Variants in AMOTL1 observed in about 807,000 individuals in gnomAD.
AMOTL1 encodes angiomotin like 1, also known as angiomotin-like protein 1.
A neutral mutation model predicts 102.9 loss-of-function variants in AMOTL1; 45 were observed. That is an observed-to-expected ratio of 0.44 (90% CI 0.34 to 0.56). The LOEUF (loss-of-function observed/expected upper bound fraction) is 0.56, where lower values mean the gene tolerates loss of function less well. AMOTL1 is among the 20% of genes least tolerant of loss of function. The pLI is 0.01. For synonymous variants in AMOTL1, 481 were observed against 484.7 expected (o/e 0.99, Z 0.10); for missense variants, 1,114 against 1,225.6 (o/e 0.91, Z 1.36).
rs777605680 is a variant in AMOTL1, at chr11:94,871,167, C to T, written c.*372C>T. On this transcript the variant is annotated 3_prime_UTR_variant, in exon 13 of 13. Transcript: ENST00000433060. Reference sequence around the variant, plus strand: ...AAATGTGGATCATCCTTGGAATACCCCCATTCTCCTTGCCTCTTAGCATGT... The same window carrying T: ...AAATGTGGATCATCCTTGGAATACCTCCATTCTCCTTGCCTCTTAGCATGT... 1.9e-5 allele frequency: 3 copies of T among 161,022 alleles called. No homozygotes were observed. The highest frequency in any genetic ancestry group is 4.1e-5 in the Non-Finnish European group (3 of 73,716). 10.0% of individuals were successfully genotyped at this position (161,022 alleles called of 1,614,324 possible). A position where few individuals can be genotyped will look rare whatever the true frequency, so the allele number is the denominator to read the frequency against.
chr11:94,796,993 T>C (rs1260545281), intron 2 of AMOTL1: 27 of 985,306 alleles, frequency 2.7e-5, no homozygotes, highest in Non-Finnish European at 2.4e-5. Context: ...TGGCAGTTGA[T>C]TAAATGTGGA....
intron 1 of AMOTL1, among the ~76,000 whole-genome samples, chr11:94,789,477 CAT>C (rs1013081005): frequency 3.3e-5 from 5 of 152,186 alleles, no homozygotes; most frequent in African/African-American, 7.2e-5. Flanking sequence ...TTTTTAAAAA[CAT>C]GTGTTGCATG....
intron 1 of AMOTL1, among the ~76,000 whole-genome samples, chr11:94,787,466 G>A (rs1951209141): frequency 6.6e-6 from 1 of 151,884 alleles, no homozygotes; most frequent in South Asian, 2.1e-4. Context: ...GAGACGGGCG[G>A]ATCACGAGGT....
At chr11:94,786,305 C>G (rs1256622720) in intron 1 of AMOTL1, among the ~76,000 whole-genome samples, 2 of 152,208 alleles carry the variant, frequency 1.3e-5, no homozygotes, top group Admixed American at 6.5e-5. Flanking sequence ...ATTATGGATA[C>G]TGCCACTGCA....
chr11:94,840,082 C>T (rs1952265429), intron 6 of AMOTL1, among the ~76,000 whole-genome samples: 1 of 151,904 alleles, frequency 6.6e-6, no homozygotes, highest in East Asian at 1.9e-4. Flanking sequence ...CAGAATAGAG[C>T]TTAGAGTTAA....
chr11:94,730,979 G>T (rs1476802386), intron 2 of AMOTL1, among the ~76,000 whole-genome samples: 1 of 152,126 alleles, frequency 6.6e-6, no homozygotes, highest in African/African-American at 2.4e-5. Flanking sequence ...AAGCCTTAGG[G>T]ATCACTGTAA....
intron 3 of AMOTL1, among the ~76,000 whole-genome samples, chr11:94,806,910 T>C (rs1224891214): frequency 1.3e-5 from 2 of 152,110 alleles, no homozygotes; most frequent in African/African-American, 4.8e-5. Context: ...TTACATGAGT[T>C]TGGAAAAAAA....
chr11:94,803,036 G>A (rs774020067), intron 3 of AMOTL1, among the ~76,000 whole-genome samples: 2 of 152,188 alleles, frequency 1.3e-5, no homozygotes, highest in Non-Finnish European at 2.9e-5. Flanking sequence ...AGAAAGAGAC[G>A]CCTCTGATGG....
intron 1 of AMOTL1, among the ~76,000 whole-genome samples, chr11:94,786,121 G>C (rs779913613): frequency 1.2e-4 from 18 of 152,112 alleles, no homozygotes; most frequent in Non-Finnish European, 2.2e-4. Context: ...AAAGAATCTC[G>C]AGTTCAGGTA....
chr11:94,827,806 C>T (rs1371771646), intron 4 of AMOTL1, among the ~76,000 whole-genome samples: 2 of 152,222 alleles, frequency 1.3e-5, no homozygotes, highest in Admixed American at 6.5e-5. Flanking sequence ...ATCCTGGCTC[C>T]TCTGTAACCT....
intron 3 of AMOTL1, 128 bp from the exon 4 acceptor site, chr11:94,821,402 C>G: frequency 1.0e-6 from 1 of 979,492 alleles, no homozygotes; most frequent in South Asian, 1.7e-5. Flanking sequence ...CAGTGAATAC[C>G]TCCCACTGGG....
intron 3 of AMOTL1, among the ~76,000 whole-genome samples, chr11:94,753,909 A>G (rs1950689045): frequency 6.6e-6 from 1 of 152,210 alleles, no homozygotes; most frequent in Admixed American, 6.5e-5. Context: ...CCCTCAAAGA[A>G]CTGGTAACTT....
intron 3 of AMOTL1, among the ~76,000 whole-genome samples, chr11:94,756,306 C>T (rs1950724921): frequency 6.6e-6 from 1 of 152,212 alleles, no homozygotes; most frequent in South Asian, 2.1e-4. Context: ...TTTGTGGGCA[C>T]AGGCCCGAGG....
chr11:94,708,451 G>T (rs1040708676), intron 1 of AMOTL1, among the ~76,000 whole-genome samples: 3 of 152,054 alleles, frequency 2.0e-5, no homozygotes, highest in Non-Finnish European at 4.4e-5. Context: ...TCCACCTCCC[G>T]GTATGGCTTG....
chr11:94,796,326 G>A (rs76415480), intron 2 of AMOTL1, among the ~76,000 whole-genome samples: 2,007 of 152,256 alleles, frequency 0.013, 46 homozygotes, highest in African/African-American at 0.046. Context: ...TTGAGCTTCA[G>A]GAACCAGTGT....
upstream of AMOTL1, among the ~76,000 whole-genome samples, chr11:94,765,088 G>A (rs1032625871): frequency 3.3e-5 from 5 of 152,240 alleles, no homozygotes; most frequent in African/African-American, 1.2e-4. Flanking sequence ...CCTGGTACTC[G>A]TCCTGTTTTG....
chr11:94,732,831 C>A (rs1950375772), intron 2 of AMOTL1, among the ~76,000 whole-genome samples: 1 of 152,186 alleles, frequency 6.6e-6, no homozygotes, highest in African/African-American at 2.4e-5. Context: ...GGAAACACGG[C>A]CTGGCAGCGT....
At chr11:94,833,226 G>A (rs1952109477) in intron 6 of AMOTL1, among the ~76,000 whole-genome samples, 1 of 152,212 alleles carries the variant, frequency 6.6e-6, no homozygotes, top group African/African-American at 2.4e-5. Context: ...AGCATTTGAA[G>A]CAGGTTTGGT....
chr11:94,836,760 CTTTT>C (rs200404531), intron 6 of AMOTL1, among the ~76,000 whole-genome samples: 1 of 140,824 alleles, frequency 7.1e-6, no homozygotes. Flanking sequence ...TTCCTTCCTT[CTTTT>C]TTTTTTTTTT....
Sources: gnomAD v4.1 joint callset for allele counts (sites outside exome capture counted in the v4.1 genomes callset) on GRCh38, gnomAD v4.1.1 for gene constraint, MANE v1.5 for transcripts, NCBI Gene and HGNC (gene_info 2026-07-23, HGNC 2026-07-21) for gene names.